Variants in SNTB1 observed in about 807,000 individuals in gnomAD.
SNTB1 encodes syntrophin beta 1.
A neutral mutation model predicts 48.9 loss-of-function variants in SNTB1; 36 were observed. The ratio of observed to expected loss-of-function variants is 0.74; its 90% CI spans 0.56 to 0.97. SNTB1 has a LOEUF of 0.97. SNTB1 is among the 50% of genes least tolerant of loss of function. The pLI is 0.00. For synonymous variants in SNTB1, 299 were observed against 294.6 expected (o/e 1.01, Z -0.15); for missense variants, 786 against 703.4 (o/e 1.12, Z -1.33).
chr8:120,569,399 C>T (rs1815806265), intron 4 of SNTB1, among the ~76,000 whole-genome samples: 9 of 152,244 alleles, frequency 5.9e-5, no homozygotes, highest in Admixed American at 5.9e-4. Flanking sequence ...CAGTTCAGAC[C>T]TGGCACCCCT....
intron 1 of SNTB1, among the ~76,000 whole-genome samples, chr8:120,773,814 A>G (rs987802203): frequency 2.0e-5 from 3 of 152,234 alleles, no homozygotes; most frequent in Non-Finnish European, 2.9e-5. Context: ...TGCTCAAGCA[A>G]ATGTAATCGT....
chr8:120,685,349 A>G (rs1296473529), intron 2 of SNTB1, among the ~76,000 whole-genome samples: 1 of 152,184 alleles, frequency 6.6e-6, no homozygotes, highest in Non-Finnish European at 1.5e-5. Context: ...GCGTCCTTTG[A>G]AATCTAGGTG....
At chr8:120,769,372 C>T (rs1819580616) in intron 1 of SNTB1, 1 of 152,100 alleles carries the variant, frequency 6.6e-6, no homozygotes, top group Admixed American at 6.6e-5. Flanking sequence ...TGACACTCCT[C>T]CTATTGACAA....
intron 1 of SNTB1, among the ~76,000 whole-genome samples, chr8:120,731,671 CTG>C (rs977377169): frequency 1.3e-5 from 2 of 152,322 alleles, no homozygotes; most frequent in African/African-American, 4.8e-5. Context: ...GGGCAGAAAA[CTG>C]GGGCTCACTG....
At chr8:120,787,354 C>T (rs559192160) in intron 1 of SNTB1, among the ~76,000 whole-genome samples, 1 of 152,148 alleles carries the variant, frequency 6.6e-6, no homozygotes, top group African/African-American at 2.4e-5. Context: ...TATACTAACT[C>T]TACAGCAGTG....
chr8:120,564,585 T>TTTG (rs1815719635), intron 4 of SNTB1, among the ~76,000 whole-genome samples: 1 of 148,650 alleles, frequency 6.7e-6, no homozygotes, highest in African/African-American at 2.5e-5. Flanking sequence ...TTTTTTTTTT[T>TTTG]GAGACAGAGT....
intron 1 of SNTB1, among the ~76,000 whole-genome samples, chr8:120,766,669 G>A (rs1563595220): frequency 6.6e-6 from 1 of 152,168 alleles, no homozygotes. Flanking sequence ...TAGAGAAGAT[G>A]TTAACCTACA....
At chr8:120,798,465 T>C (rs766762516) in intron 1 of SNTB1, among the ~76,000 whole-genome samples, 1 of 152,062 alleles carries the variant, frequency 6.6e-6, no homozygotes, top group African/African-American at 2.4e-5. Context: ...CTAGAGATGC[T>C]GCTAAACATC....
intron 2 of SNTB1, among the ~76,000 whole-genome samples, chr8:120,663,946 C>A (rs1361143043): frequency 6.6e-6 from 1 of 152,114 alleles, no homozygotes; most frequent in African/African-American, 2.4e-5. Context: ...TAGGAAATTG[C>A]GTCCTCCAAA....
At chr8:120,744,127 T>C (rs1372576175) in intron 1 of SNTB1, among the ~76,000 whole-genome samples, 1 of 151,294 alleles carries the variant, frequency 6.6e-6, no homozygotes, top group Non-Finnish European at 1.5e-5. Context: ...CTCAATTTTT[T>C]TTTTTTTTTG....
chr8:120,588,903 G>T (rs562829293), intron 3 of SNTB1, among the ~76,000 whole-genome samples: 1 of 152,264 alleles, frequency 6.6e-6, no homozygotes, highest in Admixed American at 6.5e-5. Flanking sequence ...ATAGGGAGGG[G>T]CCTGGGTAAG....
chr8:120,592,044 T>C (rs1228795678), intron 3 of SNTB1, among the ~76,000 whole-genome samples: 2 of 152,238 alleles, frequency 1.3e-5, no homozygotes, highest in African/African-American at 2.4e-5. Flanking sequence ...TTATATACAG[T>C]TGATCCCATT....
intron 3 of SNTB1, among the ~76,000 whole-genome samples, chr8:120,582,123 A>G (rs1587007085): frequency 6.6e-6 from 1 of 152,364 alleles, no homozygotes; most frequent in African/African-American, 2.4e-5. Context: ...AACAAGATAG[A>G]CAGTACTCTG....
chr8:120,646,098 T>C (rs1178127023), intron 2 of SNTB1, among the ~76,000 whole-genome samples: 2 of 147,360 alleles, frequency 1.4e-5, no homozygotes, highest in African/African-American at 5.0e-5. Context: ...TATACAATCA[T>C]GTCGTCTGCA....
chr8:120,786,709 A>G (rs1473618355), intron 1 of SNTB1, among the ~76,000 whole-genome samples: 1 of 152,122 alleles, frequency 6.6e-6, no homozygotes, highest in African/African-American at 2.4e-5. Flanking sequence ...TGGAAGGAGG[A>G]CTGCTTTCCT....
At chr8:120,542,631 G>A (rs1048603191) in intron 5 of SNTB1, among the ~76,000 whole-genome samples, 1 of 151,980 alleles carries the variant, frequency 6.6e-6, no homozygotes, top group African/African-American at 2.4e-5. Context: ...TCCAGCCTGG[G>A]CGACAGAGCA....
intron 2 of SNTB1, 151 bp from the exon 3 acceptor site, chr8:120,632,802 G>T (rs992297783): frequency 1.5e-6 from 1 of 665,524 alleles, no homozygotes; most frequent in African/African-American, 1.8e-5. Flanking sequence ...CCATCCATTC[G>T]TTCACTCATT....
chr8:120,782,896 G>A (rs1415895443), intron 1 of SNTB1, among the ~76,000 whole-genome samples: 1 of 152,114 alleles, frequency 6.6e-6, no homozygotes, highest in Non-Finnish European at 1.5e-5. Context: ...GAAAAACAAG[G>A]AAAACAAGTT....
At chr8:120,686,398 G>T (rs1186713436) in intron 2 of SNTB1, among the ~76,000 whole-genome samples, 1 of 152,138 alleles carries the variant, frequency 6.6e-6, no homozygotes, top group Non-Finnish European at 1.5e-5. Context: ...GTCTGGTGAA[G>T]GTGTGTTCCT....
Sources: allele counts gnomAD v4.1 joint callset (sites outside exome capture counted in the v4.1 genomes callset), GRCh38; gene constraint gnomAD v4.1.1; transcripts MANE v1.5; gene names NCBI Gene and HGNC (gene_info 2026-07-23, HGNC 2026-07-21).